The following TAFA2 variants were observed in gnomAD, a reference collection of about 807,000 sequenced individuals.
The protein encoded by TAFA2 is TAFA chemokine like family member 2.
A neutral mutation model predicts 18.8 loss-of-function variants in TAFA2; 7 were observed. The observed-to-expected ratio is 0.37, with a 90% CI of 0.21 to 0.70. The LOEUF is 0.70. Ranked by LOEUF, TAFA2 falls within the 30% of genes least tolerant of loss-of-function variation. The pLI is 0.53. For synonymous variants in TAFA2, 60 were observed against 54.2 expected (o/e 1.11, Z -0.47); for missense variants, 122 against 158.1 (o/e 0.77, Z 1.23).
At position 61,734,437 on chromosome 12, in the gene TAFA2, C is replaced by T. The variant is rs570909615; in HGVS notation, c.384+19185G>A. ...CTAAATGACGAGTTAATGGGTGCAG[C>T]ACACCAGCATGGCACATGTATACAT... is the stretch of plus-strand genomic sequence containing the variant. On this transcript the variant is annotated intron_variant, in intron 4 of 4. Coordinates refer to ENST00000416284, the MANE Select transcript of TAFA2 (RefSeq NM_178539.5). Among the ~76,000 whole-genome samples the T allele has an allele frequency of 5.4e-3, 817 of 150,860 alleles. 7 individuals carry two copies. Among genetic ancestry groups the T allele is most frequent in the African/African-American group, 0.019 (777 of 41,068 alleles).
chr12:61,982,802 A>G (rs1879681822), intron 1 of TAFA2, among the ~76,000 whole-genome samples: 1 of 143,036 alleles, frequency 7.0e-6, no homozygotes, highest in African/African-American at 2.5e-5. Flanking sequence ...CATGAAACAT[A>G]TGTTAACTTC....
At chr12:62,028,004 T>C (rs920397540) in intron 1 of TAFA2, among the ~76,000 whole-genome samples, 29 of 152,166 alleles carry the variant, frequency 1.9e-4, no homozygotes, top group African/African-American at 6.5e-4. Context: ...ATCTCCAGTC[T>C]AGGTCTTGGT....
At chr12:62,254,869 A>G (rs1444197790) in intron 1 of TAFA2, among the ~76,000 whole-genome samples, 1 of 152,184 alleles carries the variant, frequency 6.6e-6, no homozygotes, top group East Asian at 1.9e-4. Context: ...TCCTTTTGCC[A>G]TCTCAGCCCA....
At chr12:61,848,069 A>G (rs1382054235) in intron 2 of TAFA2, among the ~76,000 whole-genome samples, 1 of 152,244 alleles carries the variant, frequency 6.6e-6, no homozygotes, top group South Asian at 2.1e-4. Context: ...CCAGTGAGTT[A>G]GCTATAACTT....
intron 1 of TAFA2, among the ~76,000 whole-genome samples, chr12:61,938,596 C>G (rs1428286890): frequency 6.6e-6 from 1 of 152,186 alleles, no homozygotes; most frequent in African/African-American, 2.4e-5. Flanking sequence ...CAAAAAGACA[C>G]CTGCATGCAT....
At chr12:61,771,204 C>A (rs182415763) in intron 2 of TAFA2, among the ~76,000 whole-genome samples, 3 of 151,976 alleles carry the variant, frequency 2.0e-5, no homozygotes, top group Non-Finnish European at 2.9e-5. Flanking sequence ...TATCATAATC[C>A]TAAATATATA....
chr12:62,249,426 T>G (rs1175541277), intron 1 of TAFA2, among the ~76,000 whole-genome samples: 1 of 152,184 alleles, frequency 6.6e-6, no homozygotes, highest in Non-Finnish European at 1.5e-5. Context: ...AATAGCTTGA[T>G]GCCATCCTTG....
At chr12:62,227,958 T>C (rs1212049775) in intron 1 of TAFA2, among the ~76,000 whole-genome samples, 1 of 152,192 alleles carries the variant, frequency 6.6e-6, no homozygotes, top group Non-Finnish European at 1.5e-5. Flanking sequence ...TTCTGTTCCA[T>C]GGGTCTATGT....
intron 1 of TAFA2, among the ~76,000 whole-genome samples, chr12:61,911,302 G>C (rs1208853833): frequency 1.3e-5 from 2 of 151,998 alleles, no homozygotes; most frequent in Non-Finnish European, 2.9e-5. Flanking sequence ...TCAGAATCTG[G>C]GCAACATTTC....
intron 1 of TAFA2, among the ~76,000 whole-genome samples, chr12:62,250,129 T>A (rs745653691): frequency 1.3e-5 from 2 of 152,214 alleles, no homozygotes; most frequent in African/African-American, 4.8e-5. Context: ...TTAGCAAGCA[T>A]CAATATGTTG....
intron 1 of TAFA2, chr12:62,206,747 G>C (rs1334241076): frequency 6.6e-6 from 1 of 152,174 alleles, no homozygotes; most frequent in Non-Finnish European, 1.5e-5. Context: ...CAAAGTGCTA[G>C]AATTACAGGC....
chr12:62,244,327 A>C (rs773076821), intron 1 of TAFA2, among the ~76,000 whole-genome samples: 1 of 150,874 alleles, frequency 6.6e-6, no homozygotes, highest in African/African-American at 2.4e-5. Context: ...TATTATAGTT[A>C]CATACACACA....
chr12:62,153,792 G>A (rs1472807049), intron 1 of TAFA2, among the ~76,000 whole-genome samples: 1 of 152,128 alleles, frequency 6.6e-6, no homozygotes, highest in Non-Finnish European at 1.5e-5. Context: ...TAGGTGCTGT[G>A]TGCTCTTAGT....
At chr12:61,862,725 A>G (rs1197694519) in intron 2 of TAFA2, among the ~76,000 whole-genome samples, 1 of 152,110 alleles carries the variant, frequency 6.6e-6, no homozygotes, top group Non-Finnish European at 1.5e-5. Context: ...AAGCATTCAT[A>G]CCTATTGCTG....
chr12:62,041,026 C>A (rs1430842372), intron 1 of TAFA2, among the ~76,000 whole-genome samples: 19 of 152,104 alleles, frequency 1.2e-4, no homozygotes, highest in Non-Finnish European at 2.9e-5. Flanking sequence ...TCTAACAAGA[C>A]CCTATTATTC....
chr12:62,099,965 A>G (rs915628222), intron 1 of TAFA2, among the ~76,000 whole-genome samples: 79 of 152,296 alleles, frequency 5.2e-4, no homozygotes, highest in African/African-American at 1.9e-3. Flanking sequence ...ATAGATGTAA[A>G]TATTCTTTTA....
intron 1 of TAFA2, among the ~76,000 whole-genome samples, chr12:61,906,603 A>C (rs558984122): frequency 3.3e-5 from 5 of 152,328 alleles, no homozygotes; most frequent in Non-Finnish European, 5.9e-5. Flanking sequence ...TTCTGTAAAG[A>C]TACCCGAAAA....
intron 2 of TAFA2, among the ~76,000 whole-genome samples, chr12:61,866,414 T>C (rs184446571): frequency 2.0e-5 from 3 of 152,274 alleles, no homozygotes; most frequent in South Asian, 4.1e-4. Context: ...CTCCCAAAAA[T>C]AGAATGAGAA....
chr12:61,918,305 G>A (rs182585281), intron 1 of TAFA2, among the ~76,000 whole-genome samples: 115 of 150,964 alleles, frequency 7.6e-4, no homozygotes, highest in Admixed American at 3.6e-3. Flanking sequence ...TTCCCCACCC[G>A]CACACCCCAA....
Sources: gnomAD v4.1 joint callset for allele counts (sites outside exome capture counted in the v4.1 genomes callset) on GRCh38, gnomAD v4.1.1 for gene constraint, MANE v1.5 for transcripts, NCBI Gene and HGNC (gene_info 2026-07-23, HGNC 2026-07-21) for gene names.